The following PDE11A variants were observed in gnomAD, a reference collection of about 807,000 sequenced individuals.
PDE11A encodes dual 3',5'-cyclic-AMP and -GMP phosphodiesterase 11A.
PDE11A carries 100 observed loss-of-function variants against 100.5 expected under a neutral mutation model. That is an observed-to-expected ratio of 1.00 (90% CI 0.85 to 1.18). PDE11A has a LOEUF of 1.18. PDE11A is among the 50% of genes most tolerant of loss of function. PDE11A has a pLI of 0.00. For synonymous variants in PDE11A, 381 were observed against 420.8 expected, an observed-to-expected ratio of 0.91 and a Z score of 1.16; for missense variants, 1,141 against 1,152.6, an observed-to-expected ratio of 0.99 and a Z score of 0.15.
intron 10 of PDE11A, among the ~76,000 whole-genome samples, chr2:177,746,008 C>T (rs948152150): frequency 2.0e-5 from 3 of 152,116 alleles, no homozygotes; most frequent in African/African-American, 7.2e-5. Context: ...GGACTGCTGC[C>T]CTTGAAGTCT....
At chr2:178,004,146 G>T (rs1247227897) in intron 2 of PDE11A, among the ~76,000 whole-genome samples, 3 of 151,790 alleles carry the variant, frequency 2.0e-5, no homozygotes, top group South Asian at 2.1e-4. Context: ...AATAAACCAA[G>T]AATTTAACAG....
intron 9 of PDE11A, among the ~76,000 whole-genome samples, chr2:177,805,595 G>GT (rs1271621728): frequency 6.6e-6 from 1 of 152,070 alleles, no homozygotes; most frequent in Non-Finnish European, 1.5e-5. Flanking sequence ...TCTTGAACCT[G>GT]TTTTTGCAAA....
rs1327228600 is a variant in PDE11A, at chr2:178,072,556, C to A, written c.-119G>T. 2 of 1,541,880 alleles carry A rather than the reference C, an allele frequency of 1.3e-6. No homozygotes were observed. Among genetic ancestry groups the A allele is most frequent in the East Asian group, 4.8e-5 (2 of 41,272 alleles). On this transcript the variant is annotated 5_prime_UTR_variant, in exon 1 of 20. Transcript: ENST00000286063. ...CAGTATTCCCAGTTCAGCGCCACCTCCCCTGGAGATTATTCCCAGCAGTGG... is the reference window on the plus strand; with the variant it reads ...CAGTATTCCCAGTTCAGCGCCACCTACCCTGGAGATTATTCCCAGCAGTGG...
At chr2:177,883,267 CAAA>C (rs376882317) in intron 4 of PDE11A, among the ~76,000 whole-genome samples, 3 of 132,244 alleles carry the variant, frequency 2.3e-5, no homozygotes, top group African/African-American at 2.8e-5. Flanking sequence ...GACTCTGTCT[CAAA>C]AAAAAAAAAA....
chr2:177,969,681 A>T lies in PDE11A; in HGVS notation c.1071+44621T>A, dbSNP rs958257545. 2.6e-5 allele frequency among the ~76,000 whole-genome samples: 4 copies of T among 152,186 alleles called. No individual in the cohort carries two copies. The East Asian group carries it at 7.7e-4, about 29-fold the overall frequency. ...TCATTATTATCAACAATCAGATCTT[A>T]GTGACTAAAAGTGGGGTTTGCAACT... is the stretch of plus-strand genomic sequence containing the variant. On this transcript the variant is annotated intron_variant, in intron 2 of 19. Coordinates refer to ENST00000286063, the MANE Select transcript of PDE11A (RefSeq NM_016953.4).
intron 15 of PDE11A, among the ~76,000 whole-genome samples, chr2:177,693,645 A>C (rs2105526715): frequency 6.6e-6 from 1 of 152,300 alleles, no homozygotes; most frequent in South Asian, 2.1e-4. Flanking sequence ...GAAAGAGTCA[A>C]CATTATCACA....
At chr2:177,893,363 C>T (rs2084560864) in intron 4 of PDE11A, among the ~76,000 whole-genome samples, 1 of 152,110 alleles carries the variant, frequency 6.6e-6, no homozygotes, top group Non-Finnish European at 1.5e-5. Flanking sequence ...TCCTTGAACT[C>T]CTGGGCTCAA....
At chr2:178,093,562 C>G (rs1375422772) in intron 2 of PDE11A, among the ~76,000 whole-genome samples, 1 of 152,172 alleles carries the variant, frequency 6.6e-6, no homozygotes, top group Non-Finnish European at 1.5e-5. Context: ...AGAAACAGAA[C>G]TGCTACCTTC....
intron 16 of PDE11A, among the ~76,000 whole-genome samples, chr2:177,679,471 A>G (rs945973340): frequency 6.6e-6 from 1 of 152,226 alleles, no homozygotes; most frequent in African/African-American, 2.4e-5. Context: ...GGAAAAACAC[A>G]ATACACTAAT....
At chr2:177,659,188 G>C (rs1325005254) in intron 19 of PDE11A, among the ~76,000 whole-genome samples, 2 of 149,004 alleles carry the variant, frequency 1.3e-5, no homozygotes, top group Non-Finnish European at 3.0e-5. Flanking sequence ...TTGAACCTGG[G>C]AGGTGGAAGT....
intron 4 of PDE11A, among the ~76,000 whole-genome samples, chr2:177,888,101 T>C (rs1385758264): frequency 2.0e-5 from 3 of 152,234 alleles, no homozygotes; most frequent in African/African-American, 7.2e-5. Flanking sequence ...ATAAATTAGA[T>C]ACATTTCAAT....
intron 9 of PDE11A, among the ~76,000 whole-genome samples, chr2:177,801,480 T>C (rs758805627): frequency 6.6e-6 from 1 of 152,072 alleles, no homozygotes; most frequent in Non-Finnish European, 1.5e-5. Context: ...TGTGGAACAG[T>C]TTCAAAAGAA....
At position 177,685,773 on chromosome 2, in the gene PDE11A, G is replaced by A. The variant is rs545712847; in HGVS notation, c.2346-4870C>T. On this transcript the variant is annotated intron_variant, in intron 15 of 19. Coordinates refer to ENST00000286063, the MANE Select transcript of PDE11A (RefSeq NM_016953.4). ...GTAGAGATGGGGTTTCTCCATGTTGGTCAGGCCAGTCTCGAACTCCAGACC... is the reference window on the plus strand; with the variant it reads ...GTAGAGATGGGGTTTCTCCATGTTGATCAGGCCAGTCTCGAACTCCAGACC... 3.9e-5 allele frequency among the ~76,000 whole-genome samples: 6 copies of A among 152,216 alleles called. No homozygotes were observed. The South Asian group carries it at 1.0e-3, about 26-fold the overall frequency.
upstream of PDE11A, among the ~76,000 whole-genome samples, chr2:178,073,666 T>C (rs1050322895): frequency 1.3e-5 from 2 of 152,160 alleles, no homozygotes; most frequent in African/African-American, 4.8e-5. Flanking sequence ...ATTACTTTTG[T>C]TATTATTATT....
At chr2:177,956,386 C>A (rs2085562861) in intron 2 of PDE11A, among the ~76,000 whole-genome samples, 2 of 152,076 alleles carry the variant, frequency 1.3e-5, no homozygotes, top group Non-Finnish European at 1.5e-5. Context: ...GTTAGAATGG[C>A]AATCATTAAA....
intron 3 of PDE11A, among the ~76,000 whole-genome samples, chr2:177,903,720 A>G (rs1168126672): frequency 2.0e-5 from 3 of 152,224 alleles, no homozygotes; most frequent in Non-Finnish European, 4.4e-5. Flanking sequence ...TTAATCAGAA[A>G]GCTGAGCTGG....
At chr2:178,018,369 T>TTTGGCTCACTTGACTTTAAC in intron 1 of PDE11A, 1 of 372,402 alleles carries the variant, frequency 2.7e-6, no homozygotes, top group Non-Finnish European at 5.4e-6. Context: ...AGGCAGGCCT[T>TTTGGCTCACTTGACTTTAAC]TTGGCACACT....
chr2:177,631,480 CAAAAAAAAAAAAAAAAAAAA>C (rs539411793), intron 19 of PDE11A, among the ~76,000 whole-genome samples: 1 of 8,176 alleles, frequency 1.2e-4, no homozygotes, highest in African/African-American at 5.9e-4. Flanking sequence ...GACTCTATCT[CAAAAAAAAAAAAAAAAAAAA>C]AAAAAAAAAA....
chr2:177,901,964 T>G (rs2084704451), intron 3 of PDE11A, among the ~76,000 whole-genome samples: 1 of 152,156 alleles, frequency 6.6e-6, no homozygotes, highest in African/African-American at 2.4e-5. Context: ...TGTTTCTAAT[T>G]TAAAATTGCT....
Sources: allele counts gnomAD v4.1 joint callset (sites outside exome capture counted in the v4.1 genomes callset), GRCh38; gene constraint gnomAD v4.1.1; transcripts MANE v1.5; gene names NCBI Gene and HGNC (gene_info 2026-07-23, HGNC 2026-07-21).